Variants in PALM2AKAP2 observed in about 807,000 individuals in gnomAD.
PALM2AKAP2 encodes PALM2-AKAP2 fusion protein.
Under a neutral mutation model 71.5 loss-of-function variants are expected in PALM2AKAP2, and 37 were observed. The ratio of observed to expected loss-of-function variants is 0.52; its 90% CI spans 0.40 to 0.68. The LOEUF (loss-of-function observed/expected upper bound fraction) is 0.68, where lower values mean the gene tolerates loss of function less well. Among genes scored for constraint, PALM2AKAP2 ranks in the 30% least tolerant of loss-of-function variants. The pLI is 0.00. For missense variants in PALM2AKAP2, 1,224 were observed against 1,191.8 expected, an observed-to-expected ratio of 1.03 and a Z score of -0.40; for synonymous variants, 468 against 478.8, an observed-to-expected ratio of 0.98 and a Z score of 0.29.
chr9:109,767,683 C>A (rs1228169872), intron 1 of PALM2AKAP2, among the ~76,000 whole-genome samples: 7 of 152,192 alleles, frequency 4.6e-5, no homozygotes, highest in African/African-American at 1.7e-4. Flanking sequence ...TGGCTTCATT[C>A]GGGGCTGTCT....
At chr9:109,649,260 A>G (rs1037737955) in intron 1 of PALM2AKAP2, among the ~76,000 whole-genome samples, 1 of 151,558 alleles carries the variant, frequency 6.6e-6, no homozygotes, top group African/African-American at 2.4e-5. Flanking sequence ...TGAAGAATCT[A>G]TTTGTTCTGT....
At chr9:110,016,030 G>A in exon 7 of PALM2AKAP2, 1 of 1,613,552 alleles carries the variant, frequency 6.2e-7, no homozygotes, top group Non-Finnish European at 8.5e-7. Flanking sequence ...GCCCAGACAT[G>A]ACTATCAAGG....
intron 1 of PALM2AKAP2, among the ~76,000 whole-genome samples, chr9:109,648,265 T>C (rs971244157): frequency 1.3e-5 from 2 of 152,210 alleles, no homozygotes; most frequent in African/African-American, 4.8e-5. Flanking sequence ...TCAGGTAGTA[T>C]CTTTATAATA....
At chr9:110,139,932 C>T (rs540946591) in intron 2 of PALM2AKAP2, among the ~76,000 whole-genome samples, 1 of 152,292 alleles carries the variant, frequency 6.6e-6, no homozygotes, top group East Asian at 1.9e-4. Context: ...TGTATCCAAA[C>T]AGGTAGCACG....
chr9:110,165,378 G>C (rs1836710773), intron 3 of PALM2AKAP2, among the ~76,000 whole-genome samples: 1 of 151,096 alleles, frequency 6.6e-6, no homozygotes, highest in African/African-American at 2.4e-5. Flanking sequence ...CTTGATTTTT[G>C]AATCTTCTGA....
At chr9:109,892,550 CAATA>C (rs1830111752) in intron 3 of PALM2AKAP2, among the ~76,000 whole-genome samples, 1 of 152,076 alleles carries the variant, frequency 6.6e-6, no homozygotes, top group African/African-American at 2.4e-5. Context: ...GGAGGTTGCT[CAATA>C]AATAGTTTTC....
intron 1 of PALM2AKAP2, among the ~76,000 whole-genome samples, chr9:109,785,178 T>C (rs1321961944): frequency 2.6e-5 from 4 of 152,182 alleles, no homozygotes; most frequent in Non-Finnish European, 5.9e-5. Flanking sequence ...CATGAGTATG[T>C]TTATATATGT....
chr9:110,159,986 T>C (rs1292219064), intron 3 of PALM2AKAP2, among the ~76,000 whole-genome samples: 1 of 152,216 alleles, frequency 6.6e-6, no homozygotes, highest in Admixed American at 6.5e-5. Context: ...CTTTGTCCTG[T>C]ATATTGGAGT....
chr9:110,096,556 C>A (rs2118834167), intron 1 of PALM2AKAP2, among the ~76,000 whole-genome samples: 1 of 152,112 alleles, frequency 6.6e-6, no homozygotes, highest in Non-Finnish European at 1.5e-5. Context: ...CATGAGCCAT[C>A]ACGCCTGGCC....
At chr9:109,914,204 C>G (rs1744826154) in intron 3 of PALM2AKAP2, among the ~76,000 whole-genome samples, 1 of 152,188 alleles carries the variant, frequency 6.6e-6, no homozygotes, top group Admixed American at 6.5e-5. Context: ...AAAGACTGAT[C>G]CTTGTCAACA....
chr9:109,867,673 C>A (rs1829492724), intron 2 of PALM2AKAP2, 102 bp downstream of exon 2: 1 of 1,315,976 alleles, frequency 7.6e-7, no homozygotes. Context: ...CTGCCGCCAA[C>A]CAAACCAGCC....
In PALM2AKAP2 at chr9:109,928,236, G is replaced by T. The variant is rs534036593; in HGVS notation, c.394+3154G>T. Among the ~76,000 whole-genome samples the T allele has an allele frequency of 2.6e-5, 4 of 152,246 alleles. 1 individual carries two copies. Among genetic ancestry groups the T allele is most frequent in the African/African-American group, 9.6e-5 (4 of 41,538 alleles). On this transcript the variant is annotated intron_variant, in intron 5 of 9. Coordinates refer to the PALM2AKAP2 transcript ENST00000302798. ...TCCTGCCTCAGCCCCCCGAATAGCTGGGATTACAGGTATCAGCCACCGCAT... is the reference window on the plus strand; with the variant it reads ...TCCTGCCTCAGCCCCCCGAATAGCTTGGATTACAGGTATCAGCCACCGCAT...
chr9:109,966,300 G>C (rs1588036439), intron 6 of PALM2AKAP2, among the ~76,000 whole-genome samples: 1 of 152,200 alleles, frequency 6.6e-6, no homozygotes, highest in African/African-American at 2.4e-5. Context: ...AGAAAAGGGA[G>C]AGATGGAGAC....
chr9:109,781,214 A>G (rs1829443285), intron 1 of PALM2AKAP2, among the ~76,000 whole-genome samples: 1 of 152,174 alleles, frequency 6.6e-6, no homozygotes, highest in Non-Finnish European at 1.5e-5. Flanking sequence ...ACTTTCAGAA[A>G]AGTGTACCCA....
chr9:109,742,109 T>G (rs1171554141), intron 1 of PALM2AKAP2, among the ~76,000 whole-genome samples: 1 of 152,218 alleles, frequency 6.6e-6, no homozygotes, highest in Non-Finnish European at 1.5e-5. Flanking sequence ...TGGCAAACCA[T>G]AATCAATGAA....
chr9:110,133,366 T>G (rs1260648280), intron 1 of PALM2AKAP2, among the ~76,000 whole-genome samples: 1 of 152,198 alleles, frequency 6.6e-6, no homozygotes. Flanking sequence ...TAATATAGAC[T>G]TAGGGCTTTC....
At chr9:110,061,576 G>A (rs1037825032) in intron 1 of PALM2AKAP2, among the ~76,000 whole-genome samples, 15 of 149,484 alleles carry the variant, frequency 1.0e-4, no homozygotes, top group Non-Finnish European at 1.8e-4. Context: ...TTTAACCCCC[G>A]TAACAACCTT....
intron 3 of PALM2AKAP2, among the ~76,000 whole-genome samples, chr9:109,887,549 G>T (rs948171297): frequency 6.6e-6 from 1 of 151,892 alleles, no homozygotes; most frequent in Admixed American, 6.6e-5. Context: ...CTCCCTTCTG[G>T]GTAGCGGCCT....
chr9:109,769,438 T>C (rs967702069), intron 1 of PALM2AKAP2, among the ~76,000 whole-genome samples: 1 of 152,202 alleles, frequency 6.6e-6, no homozygotes, highest in African/African-American at 2.4e-5. Flanking sequence ...TTCCTCCTTA[T>C]TAATGAAAAG....
Sources: gnomAD v4.1 joint callset for allele counts (sites outside exome capture counted in the v4.1 genomes callset) on GRCh38, gnomAD v4.1.1 for gene constraint, MANE v1.5 for transcripts, NCBI Gene and HGNC (gene_info 2026-07-23, HGNC 2026-07-21) for gene names.